ME3: variants seen among roughly 807,000 people sequenced by gnomAD.
The protein encoded by ME3 is NADP-dependent malic enzyme, mitochondrial.
In ME3, 48 loss-of-function variants were observed where a neutral mutation model predicts 68.9. The ratio of observed to expected loss-of-function variants is 0.70; its 90% CI spans 0.55 to 0.89. The LOEUF is 0.89. Among genes scored for constraint, ME3 ranks in the 40% least tolerant of loss-of-function variants. ME3 has a pLI of 0.00. For synonymous variants in ME3, 320 were observed against 318.8 expected, an observed-to-expected ratio of 1.00 and a Z score of -0.04; for missense variants, 675 against 797.4, an observed-to-expected ratio of 0.85 and a Z score of 1.85.
intron 6 of ME3, among the ~76,000 whole-genome samples, chr11:86,491,203 A>G (rs1282802937): frequency 6.6e-6 from 1 of 152,218 alleles, no homozygotes; most frequent in Non-Finnish European, 1.5e-5. Context: ...TTTTAGAGGA[A>G]GTTGGAGTTC....
chr11:86,467,685 TCTCTCTCTCA>T (rs1443818694), intron 7 of ME3, among the ~76,000 whole-genome samples: 1 of 123,664 alleles, frequency 8.1e-6, no homozygotes, highest in African/African-American at 2.9e-5. Flanking sequence ...TCTCTCTCTC[TCTCTCTCTCA>T]CACACACACA....
chr11:86,569,577 TA>T (rs534442128), intron 2 of ME3, among the ~76,000 whole-genome samples: 129 of 151,598 alleles, frequency 8.5e-4, no homozygotes, highest in Non-Finnish European at 1.5e-3. Flanking sequence ...GGTGGGGAGG[TA>T]GAGAGTTTGA....
In ME3 at chr11:86,441,454, T is replaced by A; in HGVS notation, c.1654-14A>T. On this transcript the variant is annotated splice_polypyrimidine_tract_variant and intron_variant, in intron 14 of 14. Coordinates refer to ENST00000543262, the Ensembl canonical transcript of ME3. ...GTAGTCGAGAACCTAGAGAAAAACA[T>A]GTTTGGCTAAGGAACCGGATCTAAG... 1 of 1,571,480 alleles carries A rather than the reference T, an allele frequency of 6.4e-7. No homozygotes were observed. Among genetic ancestry groups the A allele is most frequent in the Non-Finnish European group, 8.6e-7 (1 of 1,162,346 alleles).
chr11:86,587,506 C>A, intron 2 of ME3, among the ~76,000 whole-genome samples: 1 of 152,214 alleles, frequency 6.6e-6, no homozygotes, highest in East Asian at 1.9e-4. Flanking sequence ...GCTGTGATGT[C>A]CAACCCTCTG....
chr11:86,623,073 G>C (rs1943446126), intron 2 of ME3, among the ~76,000 whole-genome samples: 1 of 152,142 alleles, frequency 6.6e-6, no homozygotes, highest in Non-Finnish European at 1.5e-5. Flanking sequence ...CGAGACAGCA[G>C]GTAAAACATT....
intron 7 of ME3, among the ~76,000 whole-genome samples, chr11:86,482,471 C>T (rs1951467094): frequency 6.6e-6 from 1 of 151,646 alleles, no homozygotes; most frequent in Admixed American, 6.6e-5. Context: ...GAGGGCTGCC[C>T]CATTCCTCAT....
intron 2 of ME3, among the ~76,000 whole-genome samples, chr11:86,634,056 T>G (rs1476988392): frequency 6.6e-6 from 1 of 152,008 alleles, no homozygotes; most frequent in Non-Finnish European, 1.5e-5. Flanking sequence ...CCCAAATCCC[T>G]CCCAAAATAC....
At chr11:86,656,875 G>C (rs1053075793) in intron 2 of ME3, among the ~76,000 whole-genome samples, 1 of 150,734 alleles carries the variant, frequency 6.6e-6, no homozygotes, top group Non-Finnish European at 1.5e-5. Flanking sequence ...AAAAGCTCAT[G>C]ATCAGTGGTC....
intron 4 of ME3, among the ~76,000 whole-genome samples, chr11:86,515,910 T>A (rs1264070228): frequency 3.3e-5 from 5 of 152,200 alleles, no homozygotes; most frequent in Admixed American, 3.3e-4. Context: ...GGCCAGGCTC[T>A]GCAGAGGTGC....
At chr11:86,458,259 A>G (rs1950047110) in intron 8 of ME3, among the ~76,000 whole-genome samples, 1 of 152,150 alleles carries the variant, frequency 6.6e-6, no homozygotes, top group South Asian at 2.1e-4. Flanking sequence ...CTCAAATAAA[A>G]CTCTCAAGGA....
chr11:86,651,531 G>A (rs1004276338), intron 2 of ME3, among the ~76,000 whole-genome samples: 2 of 152,234 alleles, frequency 1.3e-5, no homozygotes, highest in Admixed American at 6.5e-5. Context: ...GCAGCTGAGG[G>A]TCCTGACTGT....
intron 8 of ME3, among the ~76,000 whole-genome samples, chr11:86,453,638 A>G (rs1382955287): frequency 2.0e-5 from 3 of 152,332 alleles, no homozygotes; most frequent in Admixed American, 1.3e-4. Context: ...AAGTATAAGT[A>G]TGTCCTATGC....
intron 2 of ME3, among the ~76,000 whole-genome samples, chr11:86,636,020 G>C (rs1014031240): frequency 6.6e-6 from 1 of 152,176 alleles, no homozygotes; most frequent in Non-Finnish European, 1.5e-5. Context: ...TTGGGCTAAA[G>C]CTCACACATT....
intron 2 of ME3, among the ~76,000 whole-genome samples, chr11:86,604,208 A>G (rs1165577811): frequency 2.6e-5 from 4 of 152,152 alleles, no homozygotes; most frequent in Non-Finnish European, 5.9e-5. Flanking sequence ...TCCAGACTTC[A>G]GAGAGAACAG....
rs563738961 is a variant in ME3 at position 86,617,045 on chromosome 11, GTTTTTTTTTTTTTTTTTTTTT to G, written c.183+54696_183+54716del. On this transcript the variant is annotated intron_variant, in intron 2 of 14. Transcript: ENST00000543262. Reference sequence around the variant, plus strand: ...ACATCTAAAATACTCCAAGATAGTAGTTTTTTTTTTTTTTTTTTTTTTTTTTTTTTTTTAAAGATGAAGAAC... The same window carrying G: ...ACATCTAAAATACTCCAAGATAGTAGTTTTTTTTTTTTAAAGATGAAGAAC... 9.8e-4 allele frequency among the ~76,000 whole-genome samples: 55 copies of G among 56,310 alleles called. 1 individual carries two copies. Among genetic ancestry groups the G allele is most frequent in the African/African-American group, 3.6e-3 (54 of 15,116 alleles). 36.9% of individuals were successfully genotyped at this position (56,310 alleles called of 152,430 possible).
At chr11:86,488,847 C>T (rs138431208) in intron 6 of ME3, among the ~76,000 whole-genome samples, 13 of 152,214 alleles carry the variant, frequency 8.5e-5, no homozygotes, top group Non-Finnish European at 1.6e-4. Context: ...GGCAGAGTGA[C>T]GCTGGTTTGG....
intron 2 of ME3, among the ~76,000 whole-genome samples, chr11:86,618,009 A>T (rs945997272): frequency 3.3e-5 from 5 of 152,192 alleles, no homozygotes; most frequent in African/African-American, 1.2e-4. Flanking sequence ...GTTCAAATTC[A>T]CAAGATGTAG....
chr11:86,450,895 G>C (rs1378148251), intron 8 of ME3, among the ~76,000 whole-genome samples: 2 of 152,300 alleles, frequency 1.3e-5, no homozygotes, highest in Non-Finnish European at 2.9e-5. Context: ...AGTATGTCTG[G>C]AAGGGACAAG....
intron 4 of ME3, among the ~76,000 whole-genome samples, chr11:86,518,975 G>T (rs562678628): frequency 1.3e-4 from 20 of 152,302 alleles, no homozygotes; most frequent in African/African-American, 4.8e-4. Flanking sequence ...TCCCCCACAG[G>T]TGTCAGAGGG....
Sources: allele counts gnomAD v4.1 joint callset (sites outside exome capture counted in the v4.1 genomes callset), GRCh38; gene constraint gnomAD v4.1.1; transcripts MANE v1.5; gene names NCBI Gene and HGNC (gene_info 2026-07-23, HGNC 2026-07-21).